Variants in FAM114A2 observed in about 807,000 individuals in gnomAD.
FAM114A2 encodes protein FAM114A2.
FAM114A2 carries 53 observed loss-of-function variants against 58.4 expected under a neutral mutation model. The observed-to-expected ratio is 0.91, with a 90% confidence interval of 0.73 to 1.14. FAM114A2 has a LOEUF of 1.14. Ranked by LOEUF, FAM114A2 falls within the 50% of genes most tolerant of loss-of-function variation. FAM114A2 has a pLI of 0.00. For synonymous variants in FAM114A2, 228 were observed against 211.4 expected (o/e 1.08, Z -0.68); for missense variants, 601 against 581.1 (o/e 1.03, Z -0.35).
rs868216136 is a variant in FAM114A2, at chr5:153,990,600, T to C, written c.*2376A>G. On this transcript the variant is annotated 3_prime_UTR_variant, in exon 14 of 14. Coordinates refer to ENST00000351797, the MANE Select transcript of FAM114A2 (RefSeq NM_018691.4). ...GCAAAGGAAAATAAAAATTGTTTCA[T>C]AGAGGTTTCTACTTCTTTCAGATCA... The C allele has an allele frequency of 1.3e-5, 2 of 152,210 alleles. No homozygotes were observed. Among genetic ancestry groups the C allele is most frequent in the South Asian group, 2.1e-4 (1 of 4,824 alleles). 9.4% of individuals were successfully genotyped at this position (152,210 alleles called of 1,614,324 possible). A position where few individuals can be genotyped will look rare whatever the true frequency, so the allele number is the denominator to read the frequency against.
At chr5:154,018,894 A>G (rs531211651) in intron 8 of FAM114A2, among the ~76,000 whole-genome samples, 1 of 152,308 alleles carries the variant, frequency 6.6e-6, no homozygotes, top group Admixed American at 6.5e-5. Context: ...ATCAGCATAC[A>G]AGGGACATAT....
At chr5:154,019,277 C>T (rs900498276) in intron 8 of FAM114A2, among the ~76,000 whole-genome samples, 3 of 152,110 alleles carry the variant, frequency 2.0e-5, no homozygotes, top group African/African-American at 2.4e-5. Context: ...AAGAACTCAA[C>T]CTCTTTTACA....
intron 4 of FAM114A2, among the ~76,000 whole-genome samples, chr5:154,030,634 C>T (rs867399892): frequency 1.1e-4 from 16 of 152,324 alleles, no homozygotes; most frequent in Middle Eastern, 6.8e-3. Context: ...GAAACGGAGA[C>T]TGGAATCTGG....
rs201640396 is a variant in FAM114A2 at position 154,002,258 on chromosome 5, G to A, written c.1249C>T (p.Leu417Phe). 17 of 1,613,546 alleles carry A rather than the reference G, an allele frequency of 1.1e-5. No homozygotes were observed. The East Asian group carries it at 3.6e-4, about 34-fold the overall frequency. The change falls in exon 11 of 14, where the codon CTT becomes TTT. Residue 417 changes from leucine (L) to phenylalanine (F), a missense_variant. Transcript: ENST00000351797. ...AATTCTCATTACACTTACTGGGAAA[G>A]AGTTTGGCTCCTTTCTATGGCTGTC... ...EVTAIERSQT[L>F]SQMTIVLCKE...
At chr5:154,027,963 A>G (rs1771908067) in intron 6 of FAM114A2, among the ~76,000 whole-genome samples, 186 bp downstream of exon 6, 1 of 152,184 alleles carries the variant, frequency 6.6e-6, no homozygotes, top group African/African-American at 2.4e-5. Context: ...AGAGGAGGAG[A>G]AAAAGAGCTG....
intron 13 of FAM114A2, among the ~76,000 whole-genome samples, chr5:153,993,538 G>T (rs755788676): frequency 1.1e-4 from 16 of 152,042 alleles, no homozygotes; most frequent in African/African-American, 3.4e-4. Flanking sequence ...GACTCAATGC[G>T]ATCAGTGAGC....
chr5:153,999,951 GTA>G (rs887432807), intron 11 of FAM114A2, among the ~76,000 whole-genome samples: 1 of 151,718 alleles, frequency 6.6e-6, no homozygotes, highest in Admixed American at 6.6e-5. Context: ...GTATGTGTGT[GTA>G]TATATATGTG....
At chr5:154,007,088 C>A (rs1415187634) in intron 9 of FAM114A2, among the ~76,000 whole-genome samples, 2 of 152,096 alleles carry the variant, frequency 1.3e-5, no homozygotes, top group Non-Finnish European at 2.9e-5. Context: ...AGCCACCGCG[C>A]CTGGCCAGGA....
At chr5:154,013,814 T>C (rs999858831) in intron 8 of FAM114A2, among the ~76,000 whole-genome samples, 1 of 152,244 alleles carries the variant, frequency 6.6e-6, no homozygotes, top group Non-Finnish European at 1.5e-5. Flanking sequence ...GCTAAGACTT[T>C]TAAAATGCAT....
chr5:154,035,164 T>C (rs1334755792), intron 1 of FAM114A2, among the ~76,000 whole-genome samples, 197 bp from the exon 2 acceptor site: 1 of 152,190 alleles, frequency 6.6e-6, no homozygotes, highest in Non-Finnish European at 1.5e-5. Context: ...GAAACTGATA[T>C]CAATGCAATC....
Position 154,002,338 on chromosome 5 carries a change from A to G in FAM114A2, c.1169T>C (p.Ile390Thr). The G allele has an allele frequency of 6.2e-7, 1 of 1,614,106 alleles. No individual in the cohort carries two copies. Among genetic ancestry groups the G allele is most frequent in the Non-Finnish European group, 8.5e-7 (1 of 1,179,924 alleles). ...RSLAELTACS[I>T]ELFHKTAALV... ...TGCAGCTGTTTTGTGGAATAGTTCA[A>G]TTGAGCAGGCAGTCAGTTCAGCCAG... The change falls in exon 11 of 14, where the codon ATT becomes ACT. Residue 390 changes from isoleucine to threonine, a missense_variant. Transcript: ENST00000351797.
chr5:154,018,178 CAAG>C (rs1771171167), intron 8 of FAM114A2, among the ~76,000 whole-genome samples: 1 of 151,880 alleles, frequency 6.6e-6, no homozygotes. Flanking sequence ...CAAGATTAAC[CAAG>C]AAGAGAGAAA....
chr5:154,029,479 T>C lies in FAM114A2; in HGVS notation c.495+10A>G. On this transcript the variant is annotated intron_variant, in intron 5 of 13. Transcript: ENST00000351797. ...GAAAGGAACAGACCACCTTGCACTT[T>C]TTTACTTACTGTGCTCTGAACAGCA... 1 of 1,525,128 alleles carries C rather than the reference T, an allele frequency of 6.6e-7. No individual in the cohort carries two copies. Among genetic ancestry groups the C allele is most frequent in the South Asian group, 1.1e-5 (1 of 88,954 alleles). 94.5% of individuals were successfully genotyped at this position (1,525,128 alleles called of 1,614,324 possible).
chr5:154,029,375 G>A, intron 5 of FAM114A2, 114 bp downstream of exon 5: 1 of 642,170 alleles, frequency 1.6e-6, no homozygotes, highest in Admixed American at 2.9e-5. Context: ...CAGTGGCTTG[G>A]ACTCCTTTAA....
intron 8 of FAM114A2, among the ~76,000 whole-genome samples, chr5:154,013,382 C>T (rs1770826318): frequency 1.3e-5 from 2 of 152,164 alleles, no homozygotes; most frequent in African/African-American, 2.4e-5. Flanking sequence ...GGTATTCTCT[C>T]CCCTCTGATA....
chr5:154,026,081 G>A (rs1261178281), intron 8 of FAM114A2, among the ~76,000 whole-genome samples: 3 of 152,134 alleles, frequency 2.0e-5, no homozygotes, highest in Non-Finnish European at 4.4e-5. Flanking sequence ...GTCAAACTGA[G>A]GCAAGAATCT....
intron 11 of FAM114A2, among the ~76,000 whole-genome samples, chr5:154,001,421 C>T (rs1561543263): frequency 3.9e-5 from 6 of 152,176 alleles, no homozygotes; most frequent in Middle Eastern, 3.4e-3. Context: ...GCCTCTTTTC[C>T]GCAGAACAGG....
chr5:153,993,926 TCG>T (rs1357534069), intron 13 of FAM114A2, among the ~76,000 whole-genome samples: 1 of 152,206 alleles, frequency 6.6e-6, no homozygotes, highest in Non-Finnish European at 1.5e-5. Context: ...ACCTCAGATA[TCG>T]TCTAGTTAAA....
intron 10 of FAM114A2, 27 bp downstream of exon 10, chr5:154,002,819 AC>A: frequency 6.2e-7 from 1 of 1,613,250 alleles, no homozygotes; most frequent in Non-Finnish European, 8.5e-7. Flanking sequence ...ACTAAAACAA[AC>A]AAAAAAGGCT....
Sources: gnomAD v4.1 joint callset for allele counts (sites outside exome capture counted in the v4.1 genomes callset) on GRCh38, gnomAD v4.1.1 for gene constraint, MANE v1.5 for transcripts, NCBI Gene and HGNC (gene_info 2026-07-23, HGNC 2026-07-21) for gene names.